The following CUBN variants were observed in gnomAD, a reference collection of about 807,000 sequenced individuals.
The protein encoded by CUBN is cubilin, also known as 460 kDa receptor.
In CUBN, 282 loss-of-function variants were observed where a neutral mutation model predicts 405.3. That is an observed-to-expected ratio of 0.70 (90% CI 0.63 to 0.77). CUBN has a LOEUF of 0.77. Ranked by LOEUF, CUBN falls within the 30% of genes least tolerant of loss-of-function variation. The pLI, the probability that CUBN is intolerant of heterozygous loss-of-function variation, is 0.00. For missense variants in CUBN, 4,514 were observed against 4,475.2 expected (o/e 1.01, Z -0.25); for synonymous variants, 1,684 against 1,617.0 (o/e 1.04, Z -0.99).
At chr10:17,084,157 G>C (rs1588631471) in intron 17 of CUBN, 114 bp downstream of exon 17, 1 of 986,124 alleles carries the variant, frequency 1.0e-6, no homozygotes. Flanking sequence ...TTTCTAACAA[G>C]CTCTCAGGTA....
intron 44 of CUBN, among the ~76,000 whole-genome samples, chr10:16,919,758 G>A (rs577245057): frequency 2.0e-5 from 3 of 152,152 alleles, no homozygotes; most frequent in Non-Finnish European, 4.4e-5. Context: ...GGGTCACAAG[G>A]GACAGTATCC....
At chr10:17,088,421 G>A (rs562112189) in intron 14 of CUBN, 76 bp from the exon 15 acceptor site, 22 of 1,242,270 alleles carry the variant, frequency 1.8e-5, no homozygotes, top group African/African-American at 1.4e-4. Flanking sequence ...AGCCCTTGGC[G>A]TAAGAAGCCA....
intron 31 of CUBN, chr10:16,965,802 C>T: frequency 3.3e-6 from 1 of 304,826 alleles, no homozygotes; most frequent in South Asian, 2.7e-5. Flanking sequence ...CTTATCTGAA[C>T]CAGACACTGA....
chr10:16,902,818 G>A (rs982151905), intron 51 of CUBN, among the ~76,000 whole-genome samples: 1 of 152,134 alleles, frequency 6.6e-6, no homozygotes, highest in Non-Finnish European at 1.5e-5. Flanking sequence ...TGGGTCCCAG[G>A]GTTGGGCTCT....
At chr10:16,959,207 G>C (rs1015698705) in intron 31 of CUBN, among the ~76,000 whole-genome samples, 3 of 152,156 alleles carry the variant, frequency 2.0e-5, no homozygotes, top group Non-Finnish European at 4.4e-5. Context: ...TAGTTATTAA[G>C]TTTTATGTAC....
chr10:16,962,454 G>T (rs555802439), intron 31 of CUBN, among the ~76,000 whole-genome samples: 34 of 151,742 alleles, frequency 2.2e-4, no homozygotes, highest in South Asian at 1.7e-3. Flanking sequence ...TTGTAGGGGT[G>T]GGGGGTGGTA....
At chr10:17,092,304 C>G (rs188971883) in intron 14 of CUBN, among the ~76,000 whole-genome samples, 44 of 152,248 alleles carry the variant, frequency 2.9e-4, no homozygotes, top group African/African-American at 9.9e-4. Flanking sequence ...GGACTGACAT[C>G]CCTCTACAAC....
chr10:17,119,983 T>C (rs1800289888), intron 6 of CUBN, among the ~76,000 whole-genome samples: 16 of 152,204 alleles, frequency 1.1e-4, no homozygotes, highest in Admixed American at 1.0e-3. Flanking sequence ...GACTCCTTTT[T>C]CCGTCCAAGT....
rs1177696036 is a variant in CUBN, at chr10:16,846,831, GA to G, written c.9663+4403del. 2.0e-5 allele frequency among the ~76,000 whole-genome samples: 3 copies of G among 148,586 alleles called. No homozygotes were observed. The East Asian group carries it at 5.9e-4, about 29-fold the overall frequency. On this transcript the variant is annotated intron_variant, in intron 60 of 66. Transcript: ENST00000377833. ...CTGTCTCAAAAAAAAAAAAAGAAAA[GA>G]AAAAGAAAAAGAAAAGGGGCACGGA...
chr10:16,881,681 T>A (rs940457171), intron 56 of CUBN, among the ~76,000 whole-genome samples: 4 of 152,222 alleles, frequency 2.6e-5, no homozygotes, highest in Non-Finnish European at 5.9e-5. Flanking sequence ...TTTCTAGTAG[T>A]CGTTTGTTTA....
chr10:17,045,704 A>G (rs1835117368), intron 24 of CUBN, among the ~76,000 whole-genome samples: 1 of 152,064 alleles, frequency 6.6e-6, no homozygotes, highest in Non-Finnish European at 1.5e-5. Context: ...CATTAATGCA[A>G]TTTCCTTATT....
intron 5 of CUBN, chr10:17,123,378 C>A (rs925539759): frequency 1.6e-6 from 1 of 609,086 alleles, no homozygotes; most frequent in Non-Finnish European, 3.0e-6. Flanking sequence ...ATCAAGTGAA[C>A]CTCTCCTTTC....
chr10:17,045,852 G>T, intron 24 of CUBN, 82 bp downstream of exon 24: 1 of 1,400,044 alleles, frequency 7.1e-7, no homozygotes. Flanking sequence ...ATGGACAAGT[G>T]AGGGACAGAG....
At chr10:17,036,021 TA>T (rs897159813) in intron 27 of CUBN, among the ~76,000 whole-genome samples, 38 of 145,634 alleles carry the variant, frequency 2.6e-4, no homozygotes, top group African/African-American at 4.3e-4. Flanking sequence ...AAAGTTAAAT[TA>T]AAAAAAAAAA....
At chr10:17,008,685 G>C (rs192236285) in intron 28 of CUBN, among the ~76,000 whole-genome samples, 2 of 152,014 alleles carry the variant, frequency 1.3e-5, no homozygotes, top group East Asian at 3.9e-4. Flanking sequence ...CATTTGCGTG[G>C]AGATCATCCC....
At chr10:17,008,342 G>GTGTC (rs1344929516) in intron 28 of CUBN, among the ~76,000 whole-genome samples, 1 of 148,848 alleles carries the variant, frequency 6.7e-6, no homozygotes, top group South Asian at 2.1e-4. Flanking sequence ...CCCCGTGTGT[G>GTGTC]TGTGTGTGTG....
intron 62 of CUBN, among the ~76,000 whole-genome samples, chr10:16,840,129 C>T (rs1163093361): frequency 6.6e-6 from 1 of 151,364 alleles, no homozygotes; most frequent in African/African-American, 2.4e-5. Context: ...TGTTAAATGA[C>T]GAGTTAATGG....
chr10:17,082,036 T>C (rs1355205320), intron 17 of CUBN, among the ~76,000 whole-genome samples: 3 of 152,184 alleles, frequency 2.0e-5, no homozygotes, highest in Non-Finnish European at 4.4e-5. Context: ...TACATCAGAA[T>C]GTAGATACCT....
At chr10:17,033,868 G>T (rs1021189599) in intron 27 of CUBN, among the ~76,000 whole-genome samples, 105 of 152,298 alleles carry the variant, frequency 6.9e-4, no homozygotes, top group African/African-American at 2.4e-3. Flanking sequence ...CCATGAGCCC[G>T]ATGTTTCTCA....
Sources: allele counts gnomAD v4.1 joint callset (sites outside exome capture counted in the v4.1 genomes callset), GRCh38; gene constraint gnomAD v4.1.1; transcripts MANE v1.5; gene names NCBI Gene and HGNC (gene_info 2026-07-23, HGNC 2026-07-21).